The following MAGI2 variants were observed in gnomAD, a reference collection of about 807,000 sequenced individuals.
MAGI2 encodes the protein membrane associated guanylate kinase, WW and PDZ domain containing 2, also known as membrane-associated guanylate kinase, WW and PDZ domain-containing protein 2.
A neutral mutation model predicts 133.3 loss-of-function variants in MAGI2; 35 were observed. The ratio of observed to expected loss-of-function variants is 0.26; its 90% CI spans 0.20 to 0.35. The LOEUF is 0.35. MAGI2 is among the 10% of genes least tolerant of loss of function. The probability of loss-of-function intolerance (pLI) is 1.00; values close to 1 mark genes in which losing one functional copy is unlikely to be tolerated. For missense variants in MAGI2, 1,636 were observed against 1,863.4 expected, an observed-to-expected ratio of 0.88 and a Z score of 2.25; for synonymous variants, 729 against 710.6, an observed-to-expected ratio of 1.03 and a Z score of -0.41.
At chr7:78,338,187 T>G (rs1244242066) in intron 9 of MAGI2, among the ~76,000 whole-genome samples, 1 of 152,222 alleles carries the variant, frequency 6.6e-6, no homozygotes, top group East Asian at 1.9e-4. Context: ...CCACTTATGA[T>G]GATCATTTTA....
chr7:78,133,456 CA>C (rs1198006670), intron 17 of MAGI2, among the ~76,000 whole-genome samples: 3 of 152,114 alleles, frequency 2.0e-5, no homozygotes, highest in Non-Finnish European at 4.4e-5. Context: ...AAGAGTCTTC[CA>C]AAGTGTGGAT....
rs537370955 is a variant in MAGI2 at position 78,884,826 on chromosome 7, C to T, written c.418+122264G>A. Among the ~76,000 whole-genome samples the T allele has an allele frequency of 9.4e-5, 14 of 148,578 alleles. No homozygotes were observed. In the East Asian group the frequency reaches 2.1e-3, roughly 23 times the overall value. On this transcript the variant is annotated intron_variant, in intron 2 of 21. Transcript: ENST00000354212. ...CAGCAATCCCATTACTGGATATACA[C>T]CCAAACAAAAATAAGTGTTTCTACT...
intron 1 of MAGI2, among the ~76,000 whole-genome samples, chr7:79,361,441 C>T (rs1842370610): frequency 6.6e-6 from 1 of 152,154 alleles, no homozygotes; most frequent in African/African-American, 2.4e-5. Flanking sequence ...GGCACTTCTG[C>T]CTTCATGCCC....
chr7:79,048,481 A>G (rs1480711644), intron 1 of MAGI2, among the ~76,000 whole-genome samples: 1 of 152,192 alleles, frequency 6.6e-6, no homozygotes, highest in Non-Finnish European at 1.5e-5. Context: ...TTTTACTACA[A>G]GTCTTACTGC....
intron 2 of MAGI2, among the ~76,000 whole-genome samples, chr7:78,658,504 T>C (rs184724089): frequency 1.3e-5 from 2 of 152,146 alleles, no homozygotes; most frequent in Admixed American, 1.3e-4. Flanking sequence ...ATTTGCTGTA[T>C]GAAAGACTCT....
At chr7:79,381,771 C>G (rs181987684) in intron 1 of MAGI2, among the ~76,000 whole-genome samples, 88 of 151,794 alleles carry the variant, frequency 5.8e-4, no homozygotes, top group Non-Finnish European at 1.2e-3. Flanking sequence ...GCTGTGTGCT[C>G]AATAGAAACA....
At chr7:78,474,462 A>G (rs551991769) in intron 6 of MAGI2, among the ~76,000 whole-genome samples, 1 of 152,174 alleles carries the variant, frequency 6.6e-6, no homozygotes, top group Non-Finnish European at 1.5e-5. Flanking sequence ...AACTCTAGGT[A>G]CTAGGATTAT....
chr7:78,788,764 A>ATT (rs1827041112), intron 2 of MAGI2, among the ~76,000 whole-genome samples: 1 of 152,062 alleles, frequency 6.6e-6, no homozygotes. Context: ...TTTAAGTCCT[A>ATT]TTTCCTCTTA....
chr7:78,124,815 G>T (rs1272780898), intron 20 of MAGI2, among the ~76,000 whole-genome samples: 4 of 150,440 alleles, frequency 2.7e-5, no homozygotes, highest in Non-Finnish European at 5.9e-5. Context: ...ATTATTAAAT[G>T]AAAAAATCTA....
chr7:78,911,176 GA>G (rs1798369998), intron 2 of MAGI2, among the ~76,000 whole-genome samples: 1 of 152,164 alleles, frequency 6.6e-6, no homozygotes, highest in East Asian at 1.9e-4. Context: ...CCTAAGAGGT[GA>G]GATACAGTGG....
intron 2 of MAGI2, among the ~76,000 whole-genome samples, chr7:78,713,644 T>C (rs1047688464): frequency 6.6e-6 from 1 of 152,110 alleles, no homozygotes; most frequent in Non-Finnish European, 1.5e-5. Flanking sequence ...AACAAGAACC[T>C]TCAAAATATG....
chr7:79,361,154 C>T (rs1842352902), intron 1 of MAGI2, among the ~76,000 whole-genome samples: 1 of 152,146 alleles, frequency 6.6e-6, no homozygotes, highest in African/African-American at 2.4e-5. Context: ...TACTTTTCTA[C>T]TAGGAAGACT....
chr7:79,104,727 A>G (rs1818300752), intron 1 of MAGI2, among the ~76,000 whole-genome samples: 2 of 152,300 alleles, frequency 1.3e-5, no homozygotes, highest in African/African-American at 4.8e-5. Flanking sequence ...AAAGAAAAAA[A>G]GGCTAGGGAA....
chr7:78,789,432 G>A (rs961610633), intron 2 of MAGI2, among the ~76,000 whole-genome samples: 2 of 152,182 alleles, frequency 1.3e-5, no homozygotes, highest in African/African-American at 4.8e-5. Context: ...CACAGACGAT[G>A]AATGATATTG....
At chr7:78,587,004 T>G (rs1380348280) in intron 3 of MAGI2, among the ~76,000 whole-genome samples, 1 of 152,242 alleles carries the variant, frequency 6.6e-6, no homozygotes, top group African/African-American at 2.4e-5. Flanking sequence ...TGCTTCCACC[T>G]TTTGGCTATT....
chr7:78,057,144 C>T (rs568305545), intron 21 of MAGI2, among the ~76,000 whole-genome samples: 3 of 151,544 alleles, frequency 2.0e-5, no homozygotes, highest in East Asian at 3.9e-4. Flanking sequence ...GAAGAACCTC[C>T]ATACCGTTTC....
chr7:79,076,639 G>A (rs1224301254), intron 1 of MAGI2, among the ~76,000 whole-genome samples: 2 of 152,130 alleles, frequency 1.3e-5, no homozygotes, highest in African/African-American at 4.8e-5. Context: ...TGTATGAGAG[G>A]AAATAATTTC....
At chr7:78,394,541 C>A (rs1796175248) in intron 6 of MAGI2, among the ~76,000 whole-genome samples, 1 of 152,166 alleles carries the variant, frequency 6.6e-6, no homozygotes, top group Non-Finnish European at 1.5e-5. Context: ...TCTCACCCCC[C>A]TCTCCCATCT....
At chr7:79,015,712 T>C (rs953906102) in intron 1 of MAGI2, among the ~76,000 whole-genome samples, 1 of 152,078 alleles carries the variant, frequency 6.6e-6, no homozygotes, top group African/African-American at 2.4e-5. Context: ...TAGAAAAATG[T>C]TGTATATTAT....
Sources: allele counts gnomAD v4.1 joint callset (sites outside exome capture counted in the v4.1 genomes callset), GRCh38; gene constraint gnomAD v4.1.1; transcripts MANE v1.5; gene names NCBI Gene and HGNC (gene_info 2026-07-23, HGNC 2026-07-21).